The following SLC6A13 variants were observed in gnomAD, a reference collection of about 807,000 sequenced individuals.
The protein encoded by SLC6A13 is solute carrier family 6 member 13.
SLC6A13 carries 69 observed loss-of-function variants against 72.9 expected under a neutral mutation model. The ratio of observed to expected loss-of-function variants is 0.95; its 90% confidence interval spans 0.78 to 1.16. The LOEUF is 1.16. SLC6A13 is among the 50% of genes most tolerant of loss of function. The probability of loss-of-function intolerance (pLI) is 0.00; values close to 1 mark genes in which losing one functional copy is unlikely to be tolerated. For missense variants in SLC6A13, 735 were observed against 760.5 expected (o/e 0.97, Z 0.39); for synonymous variants, 303 against 303.0 (o/e 1.00, Z 0.00).
chr12:243,390 T>C (rs1942238266), intron 3 of SLC6A13, among the ~76,000 whole-genome samples: 1 of 152,252 alleles, frequency 6.6e-6, no homozygotes, highest in South Asian at 2.1e-4. Flanking sequence ...GATTTAAATA[T>C]GTCTTAAAAT....
chr12:243,765 G>C lies in SLC6A13; in HGVS notation c.251C>G (p.Pro84Arg). 6.2e-7 allele frequency: 1 copy of C among 1,614,174 alleles called. No homozygotes were observed. Among genetic ancestry groups the C allele is most frequent in the Non-Finnish European group, 8.5e-7 (1 of 1,179,998 alleles). Reference protein sequence around the residue: ...YLVFLFTCGIPVFLLETALGQ... With the variant: ...YLVFLFTCGIRVFLLETALGQ... ...TAGTGCTGTCTCCAGAAGGAAGACA[G>C]GAATGCCACAGGTAAAGAGGAAGAC... The change falls in exon 3 of 15, where the codon CCT becomes CGT. Residue 84 changes from proline to arginine, a missense_variant. By Grantham distance (103) the Pro-to-Arg change is moderately radical. Coordinates refer to ENST00000343164, the MANE Select transcript of SLC6A13 (RefSeq NM_016615.5).
At chr12:241,951 T>TA (rs1471833966) in intron 4 of SLC6A13, among the ~76,000 whole-genome samples, 2 of 152,240 alleles carry the variant, frequency 1.3e-5, no homozygotes, top group African/African-American at 4.8e-5. Flanking sequence ...GCACTATGTT[T>TA]AGATACACAA....
intron 2 of SLC6A13, chr12:258,851 C>T (rs1458798096): frequency 1.1e-6 from 1 of 889,238 alleles, no homozygotes; most frequent in Non-Finnish European, 1.3e-6. Flanking sequence ...CACATTTGTG[C>T]TGCGAAATTT....
chr12:252,491 A>G (rs1942588796), intron 2 of SLC6A13, among the ~76,000 whole-genome samples: 1 of 152,202 alleles, frequency 6.6e-6, no homozygotes, highest in Non-Finnish European at 1.5e-5. Flanking sequence ...TGTGTGGTTT[A>G]TTGTAAGTTA....
chr12:241,680 T>G (rs995542857), intron 4 of SLC6A13, among the ~76,000 whole-genome samples: 1 of 152,228 alleles, frequency 6.6e-6, no homozygotes. Flanking sequence ...AACTACCATA[T>G]TGGATAGTGC....
At position 223,189 on chromosome 12, in the gene SLC6A13, C is replaced by T. The variant is rs1387545873; in HGVS notation, c.1357G>A (p.Gly453Ser). 1 of 1,613,980 alleles carries T rather than the reference C, an allele frequency of 6.2e-7. No individual in the cohort carries two copies. Among genetic ancestry groups the T allele is most frequent in the Admixed American group, 1.7e-5 (1 of 60,022 alleles). Residue 453 changes from glycine to serine, a missense_variant, in exon 12 of 15, where the codon GGC becomes AGC. Transcript: ENST00000343164. ...FQLFDYYAASGMCLLFVAIFE... is the reference protein window; with the variant it reads ...FQLFDYYAASSMCLLFVAIFE... Reference sequence around the variant, plus strand: ...ATGGCCACGAACAGGAGGCACATGCCACTGGCCGCATAGTAGTCAAAGAGC... The same window carrying T: ...ATGGCCACGAACAGGAGGCACATGCTACTGGCCGCATAGTAGTCAAAGAGC...
rs1018351912 is a variant in SLC6A13, at chr12:235,189, C to T, written c.732G>A (p.Met244Ile). The change falls in exon 7 of 15, where the codon ATG becomes ATA. Residue 244 changes from methionine to isoleucine, a missense_variant. Met to Ile is a conservative substitution (Grantham distance 10). Coordinates refer to ENST00000343164, the MANE Select transcript of SLC6A13 (RefSeq NM_016615.5). Reference sequence around the variant, plus strand: ...CCCCTCGAATTAACAGGACCACCAGCATGAGGTAAGGAAATGTGGCCGTGA... The same window carrying T: ...CCCCTCGAATTAACAGGACCACCAGTATGAGGTAAGGAAATGTGGCCGTGA... ...VYFTATFPYL[M>I]LVVLLIRGVT... is the part of the protein sequence containing the mutation. 3.1e-6 allele frequency: 5 copies of T among 1,614,184 alleles called. No individual in the cohort carries two copies. The highest frequency in any genetic ancestry group is 4.2e-6 in the Non-Finnish European group (5 of 1,180,022).
chr12:222,787 C>T (rs974825270), intron 12 of SLC6A13, among the ~76,000 whole-genome samples, 155 bp from the exon 13 acceptor site: 18 of 152,274 alleles, frequency 1.2e-4, no homozygotes, highest in African/African-American at 3.9e-4. Flanking sequence ...AAAAGCTCTT[C>T]CCTGGCATTC....
At chr12:224,162 G>A in intron 10 of SLC6A13, 33 bp from the exon 11 acceptor site, 1 of 1,612,600 alleles carries the variant, frequency 6.2e-7, no homozygotes. Context: ...TGGAGGGAAG[G>A]AGAGCTCCCG....
chr12:249,610 G>T (rs1273094702), intron 2 of SLC6A13, among the ~76,000 whole-genome samples: 2 of 151,956 alleles, frequency 1.3e-5, no homozygotes, highest in African/African-American at 4.8e-5. Flanking sequence ...ATTCATTTTT[G>T]GTTTAAACCC....
rs778621921 is a variant in SLC6A13 at position 259,966 on chromosome 12, G to A, written c.87C>T (p.Thr29=). Residue 29 remains threonine, a synonymous_variant, in exon 2 of 15, where the codon ACC becomes ACT. Coordinates refer to ENST00000343164, the MANE Select transcript of SLC6A13 (RefSeq NM_016615.5). ...TGTTGTTCCAGTGCCCCCGCTCCAG[G>A]GTGCCATCTTCCTCCTTCTTTTCCA... ...PVMEKKEEDG[T]LERGHWNNKM... The A allele has an allele frequency of 2.5e-6, 4 of 1,613,994 alleles. No homozygotes were observed. The highest frequency in any genetic ancestry group is 1.7e-5 in the Admixed American group (1 of 59,990).
At chr12:233,010 C>T (rs1941774880) in intron 7 of SLC6A13, among the ~76,000 whole-genome samples, 1 of 152,236 alleles carries the variant, frequency 6.6e-6, no homozygotes, top group Non-Finnish European at 1.5e-5. Flanking sequence ...TCAGCAACAT[C>T]AGTGAATATG....
chr12:233,428 G>C (rs1941797374), intron 7 of SLC6A13, among the ~76,000 whole-genome samples: 1 of 152,204 alleles, frequency 6.6e-6, no homozygotes, highest in Non-Finnish European at 1.5e-5. Context: ...TACCCGGACG[G>C]TAAAAAAGCC....
rs148218042 is a variant in SLC6A13 at position 221,043 on chromosome 12, C to T, written c.1714G>A (p.Glu572Lys). The change falls in exon 15 of 15, where the codon GAG becomes AAG. Residue 572 changes from glutamate to lysine, a missense_variant. Physicochemically the swap from Glu to Lys is moderately conservative, Grantham distance 56. Coordinates refer to ENST00000343164, the MANE Select transcript of SLC6A13 (RefSeq NM_016615.5). ...ERIRQLMCPA[E>K]DLPQRNPAGP... ...GCTGGGTTCCGCTGGGGCAGGTCCT[C>T]GGCTGGGCACATGAGCTGACGGATT... is the stretch of plus-strand genomic sequence containing the variant. 14 of 1,609,896 alleles carry T rather than the reference C, an allele frequency of 8.7e-6. No homozygotes were observed. The highest frequency in any genetic ancestry group is 3.3e-5 in the South Asian group (3 of 90,808).
intron 9 of SLC6A13, among the ~76,000 whole-genome samples, chr12:225,060 C>A (rs976637768): frequency 7.2e-5 from 11 of 152,270 alleles, no homozygotes; most frequent in South Asian, 4.1e-4. Context: ...CCTGCAATGA[C>A]TACACTGGCA....
chr12:223,896 G>T, intron 11 of SLC6A13, 96 bp downstream of exon 11: 1 of 1,416,626 alleles, frequency 7.1e-7, no homozygotes, highest in Non-Finnish European at 9.9e-7. Context: ...CAGAAGACCT[G>T]CCCTGACCGG....
At chr12:257,815 T>A (rs922401617) in intron 2 of SLC6A13, among the ~76,000 whole-genome samples, 1 of 152,188 alleles carries the variant, frequency 6.6e-6, no homozygotes, top group African/African-American at 2.4e-5. Flanking sequence ...CCCAGTGCTT[T>A]GCATTAGACC....
At position 259,938 on chromosome 12, in the gene SLC6A13, T is replaced by C; in HGVS notation, c.115A>G (p.Met39Val). 1.2e-6 allele frequency: 2 copies of C among 1,614,178 alleles called. No homozygotes were observed. The highest frequency in any genetic ancestry group is 1.7e-6 in the Non-Finnish European group (2 of 1,180,016). Residue 39 changes from methionine to valine, a missense_variant, in exon 2 of 15, where the codon ATG (methionine) becomes GTG (valine). Coordinates refer to ENST00000343164, the MANE Select transcript of SLC6A13 (RefSeq NM_016615.5). ...CCAGCCACTGACAGCACAAACTCCA[T>C]CTTGTTGTTCCAGTGCCCCCGCTCC... ...TLERGHWNNK[M>V]EFVLSVAGEI...
chr12:220,936 A>C lies in SLC6A13; in HGVS notation c.*12T>G. The C allele has an allele frequency of 1.9e-6, 3 of 1,611,468 alleles. No homozygotes were observed. The highest frequency in any genetic ancestry group is 2.5e-6 in the Non-Finnish European group (3 of 1,179,812). ...AGGCCAGGCACACAGGCACCATCCA[A>C]GGGCCTGCCCCCTAGCAGTGAGACT... is the stretch of plus-strand genomic sequence containing the variant. On this transcript the variant is annotated 3_prime_UTR_variant, in exon 15 of 15. Transcript: ENST00000343164.
Sources: allele counts gnomAD v4.1 joint callset (sites outside exome capture counted in the v4.1 genomes callset), GRCh38; gene constraint gnomAD v4.1.1; transcripts MANE v1.5; gene names NCBI Gene and HGNC (gene_info 2026-07-23, HGNC 2026-07-21).